RABGAP1L: variants seen among roughly 807,000 people sequenced by gnomAD.
RABGAP1L encodes the protein RAB GTPase activating protein 1 like.
A neutral mutation model predicts 137.7 loss-of-function variants in RABGAP1L; 63 were observed. The ratio of observed to expected loss-of-function variants is 0.46; its 90% confidence interval spans 0.37 to 0.56. The LOEUF (loss-of-function observed/expected upper bound fraction) is 0.56, where lower values mean the gene tolerates loss of function less well. Ranked by LOEUF, RABGAP1L falls within the 20% of genes least tolerant of loss-of-function variation. The pLI is 0.00. For missense variants in RABGAP1L, 1,095 were observed against 1,244.0 expected (o/e 0.88, Z 1.80); for synonymous variants, 431 against 433.7 (o/e 0.99, Z 0.08).
Position 174,231,263 on chromosome 1 carries a change from G to A in RABGAP1L, c.450G>A (p.Glu150=). The A allele has an allele frequency of 3.1e-6, 5 of 1,614,076 alleles. No homozygotes were observed. Among genetic ancestry groups the A allele is most frequent in the Non-Finnish European group, 4.2e-6 (5 of 1,179,984 alleles). The part of the protein sequence containing the change: ...MKVSSPRNEV[E]ALRAMATMKS... ...TTTCTTCCCCACGTAATGAAGTAGA[G>A]GCTTTACGGGCAATGGCAACCATGA... The change falls in exon 4 of 26, where the codon GAG becomes GAA. Residue 150 remains glutamate, a synonymous_variant. Coordinates refer to ENST00000681986, the MANE Select transcript of RABGAP1L (RefSeq NM_001366446.1).
At chr1:174,728,735 A>G (rs1682212559) in intron 17 of RABGAP1L, among the ~76,000 whole-genome samples, 1 of 151,080 alleles carries the variant, frequency 6.6e-6, no homozygotes, top group South Asian at 2.1e-4. Context: ...TCTGCCTCCC[A>G]GGTTCAAGAG....
At chr1:174,174,913 C>T (rs1301271783) in intron 1 of RABGAP1L, among the ~76,000 whole-genome samples, 18 of 152,230 alleles carry the variant, frequency 1.2e-4, no homozygotes, top group Admixed American at 9.8e-4. Flanking sequence ...TAGGCAAATG[C>T]GGAAATAATG....
intron 13 of RABGAP1L, among the ~76,000 whole-genome samples, chr1:174,553,159 T>G (rs1049879034): frequency 6.6e-6 from 1 of 152,212 alleles, no homozygotes; most frequent in Non-Finnish European, 1.5e-5. Flanking sequence ...TGCACAAATT[T>G]TCTCCCATTC....
intron 11 of RABGAP1L, among the ~76,000 whole-genome samples, chr1:174,321,315 T>C (rs1240409869): frequency 6.6e-6 from 1 of 152,196 alleles, no homozygotes; most frequent in Non-Finnish European, 1.5e-5. Flanking sequence ...GATCTCGCTC[T>C]GCCCCCATTT....
chr1:174,425,996 T>G (rs1651909925), intron 13 of RABGAP1L, among the ~76,000 whole-genome samples: 2 of 152,094 alleles, frequency 1.3e-5, no homozygotes, highest in Admixed American at 6.5e-5. Context: ...GAAAAGTTAT[T>G]TGTTGAATAT....
At chr1:174,401,220 G>A (rs1190658703) in intron 13 of RABGAP1L, among the ~76,000 whole-genome samples, 2 of 152,150 alleles carry the variant, frequency 1.3e-5, no homozygotes, top group African/African-American at 4.8e-5. Context: ...TATGCAGGAA[G>A]ACCCTGGGTT....
intron 13 of RABGAP1L, among the ~76,000 whole-genome samples, chr1:174,488,062 A>G (rs1659844178): frequency 1.3e-5 from 2 of 152,122 alleles, no homozygotes; most frequent in African/African-American, 2.4e-5. Flanking sequence ...AAGTTTATAT[A>G]CCACAGTTAC....
At chr1:174,480,920 A>G (rs1659022498) in intron 13 of RABGAP1L, among the ~76,000 whole-genome samples, 1 of 152,196 alleles carries the variant, frequency 6.6e-6, no homozygotes, top group Admixed American at 6.5e-5. Context: ...CATAGTATTC[A>G]TACCTCTCAA....
intron 10 of RABGAP1L, among the ~76,000 whole-genome samples, chr1:174,286,543 C>A (rs1676066596): frequency 6.6e-6 from 1 of 151,668 alleles, no homozygotes; most frequent in Non-Finnish European, 1.5e-5. Context: ...TTGTTTTACT[C>A]TTCTCTATTT....
At chr1:174,973,473 C>T (rs1431672117) in intron 21 of RABGAP1L, among the ~76,000 whole-genome samples, 2 of 147,964 alleles carry the variant, frequency 1.4e-5, no homozygotes, top group African/African-American at 2.5e-5. Flanking sequence ...CAACCTCTAT[C>T]TCCTGGTTTC....
At chr1:174,220,769 G>T (rs1275439274) in intron 2 of RABGAP1L, 1 of 383,486 alleles carries the variant, frequency 2.6e-6, no homozygotes, top group Non-Finnish European at 4.5e-6. Flanking sequence ...GAATCCTTTT[G>T]TGAAACTAAT....
intron 25 of RABGAP1L, among the ~76,000 whole-genome samples, chr1:174,989,117 C>T (rs1285322965): frequency 6.6e-6 from 1 of 152,016 alleles, no homozygotes; most frequent in Admixed American, 6.5e-5. Flanking sequence ...TTTTTGCTTA[C>T]ATCCTTTCTC....
intron 13 of RABGAP1L, among the ~76,000 whole-genome samples, chr1:174,584,038 A>G (rs1384148184): frequency 2.0e-5 from 3 of 152,094 alleles, no homozygotes. Context: ...GCATTCCATT[A>G]TGAAGGGTCA....
chr1:174,227,582 G>A (rs185036164), intron 3 of RABGAP1L, among the ~76,000 whole-genome samples: 1 of 151,832 alleles, frequency 6.6e-6, no homozygotes, highest in African/African-American at 2.4e-5. Flanking sequence ...TGTCTCTTCT[G>A]TTCTTGTTTT....
At chr1:174,273,333 G>T (rs74128334) in intron 8 of RABGAP1L, among the ~76,000 whole-genome samples, 5,618 of 152,004 alleles carry the variant, frequency 0.037, 134 homozygotes, top group Middle Eastern at 0.092. Flanking sequence ...TGTCTGCTAA[G>T]TGTTGTGTGA....
rs571541793 is a variant in RABGAP1L, at chr1:174,992,772, A to G, written c.*2771A>G. On this transcript the variant is annotated 3_prime_UTR_variant, in exon 26 of 26. Coordinates refer to ENST00000681986, the MANE Select transcript of RABGAP1L (RefSeq NM_001366446.1). Reference sequence around the variant, plus strand: ...TATTGTTGGAAAACTCATGCATCCCAGCATGAAGTAACTCCTAGTTTTAAT... The same window carrying G: ...TATTGTTGGAAAACTCATGCATCCCGGCATGAAGTAACTCCTAGTTTTAAT... 6.6e-6 allele frequency: 1 copy of G among 152,366 alleles called. No homozygotes were observed. The highest frequency in any genetic ancestry group is 2.4e-5 in the African/African-American group (1 of 41,590). 9.4% of individuals were successfully genotyped at this position (152,366 alleles called of 1,614,324 possible).
intron 13 of RABGAP1L, among the ~76,000 whole-genome samples, chr1:174,553,673 G>A (rs1381069785): frequency 6.6e-6 from 1 of 152,164 alleles, no homozygotes; most frequent in African/African-American, 2.4e-5. Context: ...AACATTTTCA[G>A]TAAGAATCAT....
At chr1:174,807,618 C>T (rs1689439401) in intron 18 of RABGAP1L, among the ~76,000 whole-genome samples, 1 of 152,152 alleles carries the variant, frequency 6.6e-6, no homozygotes, top group African/African-American at 2.4e-5. Context: ...GAGGAAAAAA[C>T]CCATCAGAAT....
At chr1:174,532,831 A>G (rs1163490393) in intron 13 of RABGAP1L, among the ~76,000 whole-genome samples, 1 of 152,254 alleles carries the variant, frequency 6.6e-6, no homozygotes, top group Non-Finnish European at 1.5e-5. Flanking sequence ...AAGAAAAACA[A>G]GTTGCCACTA....
Sources: allele counts gnomAD v4.1 joint callset (sites outside exome capture counted in the v4.1 genomes callset), GRCh38; gene constraint gnomAD v4.1.1; transcripts MANE v1.5; gene names NCBI Gene and HGNC (gene_info 2026-07-23, HGNC 2026-07-21).